UGGT2: variants seen among roughly 807,000 people sequenced by gnomAD.
The protein encoded by UGGT2 is UDP-glucose glycoprotein glucosyltransferase 2.
In UGGT2, 180 loss-of-function variants were observed where a neutral mutation model predicts 192.1. That is an observed-to-expected ratio of 0.94 (90% CI 0.83 to 1.06). UGGT2 has a LOEUF of 1.06. Ranked by LOEUF, UGGT2 falls within the 50% of genes least tolerant of loss-of-function variation. The pLI is 0.00. For missense variants in UGGT2, 1,849 were observed against 1,795.7 expected (o/e 1.03, Z -0.54); for synonymous variants, 580 against 591.0 (o/e 0.98, Z 0.27).
At chr13:95,968,933 T>C (rs1414653123) in intron 12 of UGGT2, among the ~76,000 whole-genome samples, 1 of 152,186 alleles carries the variant, frequency 6.6e-6, no homozygotes, top group Admixed American at 6.5e-5. Flanking sequence ...TACATGACTG[T>C]CTCTTGACTG....
chr13:95,922,175 C>T (rs1189852195), intron 20 of UGGT2, among the ~76,000 whole-genome samples: 1 of 152,176 alleles, frequency 6.6e-6, no homozygotes, highest in East Asian at 1.9e-4. Context: ...CGGCTGGAGG[C>T]CATTATTTTA....
At chr13:95,850,815 A>G (rs1888960863) in intron 36 of UGGT2, among the ~76,000 whole-genome samples, 1 of 152,234 alleles carries the variant, frequency 6.6e-6, no homozygotes, top group Non-Finnish European at 1.5e-5. Flanking sequence ...TTGCTCACAG[A>G]AACTTAGCAC....
At chr13:95,857,104 T>C (rs1302641284) in intron 33 of UGGT2, among the ~76,000 whole-genome samples, 1 of 152,144 alleles carries the variant, frequency 6.6e-6, no homozygotes, top group Non-Finnish European at 1.5e-5. Flanking sequence ...TTAATTTTTT[T>C]CTCTGACTTT....
rs558925980 is a variant in UGGT2, at chr13:96,044,825, A to G, written c.158+8330T>C. On this transcript the variant is annotated intron_variant, in intron 1 of 38. Coordinates refer to ENST00000376747, the MANE Select transcript of UGGT2 (RefSeq NM_020121.4). ...AGAATTAGATACCCTGAACAGAACA[A>G]TAGTAAGCAGCGAGATTAAAATTGT... 1.8e-3 allele frequency among the ~76,000 whole-genome samples: 271 copies of G among 152,282 alleles called. 2 individuals carry two copies. Among genetic ancestry groups the G allele is most frequent in the African/African-American group, 6.2e-3 (258 of 41,574 alleles).
chr13:96,042,952 T>C (rs576336848), intron 1 of UGGT2, among the ~76,000 whole-genome samples: 1 of 152,224 alleles, frequency 6.6e-6, no homozygotes, highest in East Asian at 1.9e-4. Flanking sequence ...GGGGAATAAT[T>C]GAGGAAAACT....
chr13:95,860,719 A>AT (rs1295811656), intron 32 of UGGT2, 69 bp downstream of exon 32: 788 of 1,019,866 alleles, frequency 7.7e-4, no homozygotes, highest in Non-Finnish European at 8.3e-4. Context: ...ATATTCCTTT[A>AT]TTTTTTTTTG....
At chr13:95,950,931 A>G (rs753052103) in intron 12 of UGGT2, among the ~76,000 whole-genome samples, 2 of 152,158 alleles carry the variant, frequency 1.3e-5, no homozygotes, top group Non-Finnish European at 2.9e-5. Flanking sequence ...GATTAGGAAT[A>G]TATGAAAAAG....
chr13:95,985,975 G>A (rs571390707), intron 9 of UGGT2, among the ~76,000 whole-genome samples: 1 of 152,058 alleles, frequency 6.6e-6, no homozygotes, highest in East Asian at 1.9e-4. Flanking sequence ...CTCCTACTTA[G>A]AGTAATACTT....
rs867617560 is a variant in UGGT2, at chr13:95,804,999, A to C, written c.4529-3187T>G. 5.3e-5 allele frequency among the ~76,000 whole-genome samples: 8 copies of C among 152,278 alleles called. No individual in the cohort carries two copies. The Middle Eastern group carries it at 0.01, about 194-fold the overall frequency. ...GACACCATCAACAGAATGGAAAGGT[A>C]ACCTAGCAAATAAGAGAAAATATCT... On this transcript the variant is annotated intron_variant, in intron 38 of 38. Coordinates refer to ENST00000376747, the MANE Select transcript of UGGT2 (RefSeq NM_020121.4).
At chr13:95,971,532 C>T (rs541136544) in intron 11 of UGGT2, among the ~76,000 whole-genome samples, 25 of 152,088 alleles carry the variant, frequency 1.6e-4, no homozygotes, top group Admixed American at 9.2e-4. Flanking sequence ...CTAAATTATA[C>T]GTGAAAATAT....
chr13:95,980,220 G>A (rs1031439663), intron 10 of UGGT2, among the ~76,000 whole-genome samples: 8 of 152,134 alleles, frequency 5.3e-5, no homozygotes, highest in African/African-American at 1.9e-4. Flanking sequence ...ATATGCAATT[G>A]CAAAAATATG....
At chr13:95,826,861 T>G (rs1331630752) in intron 38 of UGGT2, among the ~76,000 whole-genome samples, 1 of 150,516 alleles carries the variant, frequency 6.6e-6, no homozygotes, top group Non-Finnish European at 1.5e-5. Context: ...AAGGCTTGTA[T>G]GGAAAAAAAA....
chr13:95,935,529 T>A (rs1057164943), intron 17 of UGGT2, among the ~76,000 whole-genome samples: 7 of 152,218 alleles, frequency 4.6e-5, no homozygotes, highest in African/African-American at 1.7e-4. Flanking sequence ...CCTTCGTATG[T>A]GATCTGCCTT....
rs138100763 is a variant in UGGT2 at position 95,838,743 on chromosome 13, C to G, written c.4285-1541G>C. ...AAACCTTAACTGTCCCTTCTGACAC[C>G]CTTAGTTCCTTGGAATCCCTTCCTT... On this transcript the variant is annotated intron_variant, in intron 36 of 38. Coordinates refer to ENST00000376747, the MANE Select transcript of UGGT2 (RefSeq NM_020121.4). 3.2e-3 allele frequency among the ~76,000 whole-genome samples: 480 copies of G among 152,116 alleles called. 2 individuals are homozygous for G. Among genetic ancestry groups the G allele is most frequent in the African/African-American group, 0.011 (457 of 41,518 alleles).
At position 95,856,163 on chromosome 13, in the gene UGGT2, C is replaced by A; in HGVS notation, c.4003G>T (p.Asp1335Tyr). 6.2e-7 allele frequency: 1 copy of A among 1,610,140 alleles called. No individual in the cohort carries two copies. The highest frequency in any genetic ancestry group is 1.1e-5 in the South Asian group (1 of 90,404). Residue 1335 changes from aspartate (D) to tyrosine (Y), a missense_variant, in exon 34 of 39, where the codon GAC (aspartate) becomes TAC (tyrosine). Physicochemically the swap from Asp to Tyr is radical, Grantham distance 160. Transcript: ENST00000376747. ...AVDKIIFVDA[D>Y]QIVRHDLKEL... ...ATAGTAGTTAACCTTATTACCTGGT[C>A]AGCATCAACAAAAATGATTTTGTCC...
At chr13:95,834,414 C>G (rs1887064678) in intron 37 of UGGT2, among the ~76,000 whole-genome samples, 1 of 151,980 alleles carries the variant, frequency 6.6e-6, no homozygotes, top group South Asian at 2.1e-4. Flanking sequence ...CCCAACAATG[C>G]ACAGGAAAAC....
Position 95,817,700 on chromosome 13 carries a change from T to A in UGGT2, c.4528+15227A>T, listed in dbSNP as rs1432568314. Among the ~76,000 whole-genome samples, 7 of 152,198 alleles carry A rather than the reference T, an allele frequency of 4.6e-5. No homozygotes were observed. The East Asian group carries it at 1.3e-3, about 29-fold the overall frequency. ...ACATGCAAAAGCAAATTCAAAAAAA[T>A]TCTAAAAATTCTAAAAGCAAATTCT... is the stretch of plus-strand genomic sequence containing the variant. On this transcript the variant is annotated intron_variant, in intron 38 of 38. Transcript: ENST00000376747.
At chr13:95,992,100 T>C (rs1293831282) in intron 7 of UGGT2, among the ~76,000 whole-genome samples, 2 of 152,052 alleles carry the variant, frequency 1.3e-5, no homozygotes, top group Non-Finnish European at 2.9e-5. Context: ...GAGGCAGAGG[T>C]TGCAGTGAGC....
At chr13:95,851,553 A>C (rs1377570021) in intron 36 of UGGT2, among the ~76,000 whole-genome samples, 1 of 152,210 alleles carries the variant, frequency 6.6e-6, no homozygotes, top group Non-Finnish European at 1.5e-5. Flanking sequence ...GCAAGGTCTG[A>C]CATAGAAGCC....
Sources: gnomAD v4.1 joint callset for allele counts (sites outside exome capture counted in the v4.1 genomes callset) on GRCh38, gnomAD v4.1.1 for gene constraint, MANE v1.5 for transcripts, NCBI Gene and HGNC (gene_info 2026-07-23, HGNC 2026-07-21) for gene names.